DAB1: variants seen among roughly 807,000 people sequenced by gnomAD.
DAB1 encodes the protein disabled homolog 1.
Under a neutral mutation model 64.6 loss-of-function variants are expected in DAB1, and 15 were observed. The observed-to-expected ratio is 0.23, with a 90% CI of 0.16 to 0.36. DAB1 has a LOEUF of 0.36. DAB1 is among the 10% of genes least tolerant of loss of function. DAB1 has a pLI of 1.00. For missense variants in DAB1, 596 were observed against 706.7 expected, an observed-to-expected ratio of 0.84 and a Z score of 1.78; for synonymous variants, 235 against 251.9, an observed-to-expected ratio of 0.93 and a Z score of 0.64.
intron 5 of DAB1, among the ~76,000 whole-genome samples, chr1:58,046,978 T>G (rs992285064): frequency 1.3e-5 from 2 of 152,218 alleles, no homozygotes; most frequent in African/African-American, 4.8e-5. Flanking sequence ...CAAAGTTGCT[T>G]CATCTCTTTG....
intron 3 of DAB1, among the ~76,000 whole-genome samples, chr1:58,477,601 G>C (rs533334830): frequency 1.3e-5 from 2 of 152,220 alleles, no homozygotes; most frequent in South Asian, 4.1e-4. Flanking sequence ...GAGTGTTAAA[G>C]GCTTTGTTTC....
intron 5 of DAB1, among the ~76,000 whole-genome samples, chr1:58,141,547 C>T (rs756302501): frequency 3.3e-5 from 5 of 152,146 alleles, no homozygotes; most frequent in Admixed American, 6.6e-5. Context: ...GGCCAGATCT[C>T]ATGTGAACTC....
chr1:58,352,999 T>C (rs745616893), intron 3 of DAB1, among the ~76,000 whole-genome samples: 2 of 152,158 alleles, frequency 1.3e-5, no homozygotes, highest in Non-Finnish European at 2.9e-5. Context: ...AGCCACCTAG[T>C]TTACGGTATT....
intron 3 of DAB1, among the ~76,000 whole-genome samples, chr1:58,487,182 C>T (rs1165757588): frequency 6.6e-6 from 1 of 152,074 alleles, no homozygotes; most frequent in Non-Finnish European, 1.5e-5. Flanking sequence ...GGAGCAGTGG[C>T]GAAGTTGAGA....
At chr1:58,116,770 A>G (rs753583468) in intron 5 of DAB1, among the ~76,000 whole-genome samples, 1 of 152,224 alleles carries the variant, frequency 6.6e-6, no homozygotes, top group African/African-American at 2.4e-5. Context: ...CTGAAACATC[A>G]TGAAAAAAGA....
At chr1:58,225,859 TACATG>T (rs1293207956) in intron 4 of DAB1, among the ~76,000 whole-genome samples, 3 of 150,326 alleles carry the variant, frequency 2.0e-5, no homozygotes, top group Non-Finnish European at 3.0e-5. Context: ...GACCTAATGT[TACATG>T]ACAAGTTAAT....
At chr1:57,373,013 G>A (rs56015333) in intron 1 of DAB1, among the ~76,000 whole-genome samples, 2,979 of 146,920 alleles carry the variant, frequency 0.02, 37 homozygotes, top group South Asian at 0.026. Context: ...TACGTCTCTA[G>A]AAAAAAAAAA....
chr1:57,523,362 T>C (rs1166097479), intron 7 of DAB1, among the ~76,000 whole-genome samples: 2 of 152,210 alleles, frequency 1.3e-5, no homozygotes, highest in African/African-American at 4.8e-5. Context: ...GAGTGAAGTC[T>C]ATTTGTTGAT....
At chr1:57,918,067 CAATAAATAAATAAATAAATA>C (rs59397849) in intron 5 of DAB1, among the ~76,000 whole-genome samples, 13 of 138,656 alleles carry the variant, frequency 9.4e-5, no homozygotes, top group African/African-American at 3.2e-4. Context: ...GACTCCGTCT[CAATAAATAAATAAATAAATA>C]AATAAATAAA....
intron 4 of DAB1, among the ~76,000 whole-genome samples, chr1:58,250,485 C>CAGCAGCAGT (rs1480452622): frequency 6.6e-6 from 1 of 152,244 alleles, no homozygotes; most frequent in African/African-American, 2.4e-5. Flanking sequence ...GTAGCAGCAG[C>CAGCAGCAGT]AGCAGCAGTA....
chr1:57,107,203 C>T (rs774946528), intron 4 of DAB1, among the ~76,000 whole-genome samples: 24 of 151,850 alleles, frequency 1.6e-4, no homozygotes, highest in Admixed American at 8.5e-4. Context: ...GGTGAAACCC[C>T]GTCCCTACTG....
chr1:57,241,993 A>G lies in DAB1; in HGVS notation c.67+48971T>C, dbSNP rs76623712. ...ATTTCCCCCATTCCTATATTTCTCA[A>G]TCTTATATTAAAGACTTAGAACATC... On this transcript the variant is annotated intron_variant, in intron 2 of 14. Coordinates refer to ENST00000371236, the MANE Select transcript of DAB1 (RefSeq NM_001365792.1). Among the ~76,000 whole-genome samples, 601 of 152,224 alleles carry G rather than the reference A, an allele frequency of 3.9e-3. 19 individuals are homozygous for G. The East Asian group carries it at 0.077, about 20-fold the overall frequency.
At chr1:57,348,370 G>T (rs560854018) in intron 1 of DAB1, among the ~76,000 whole-genome samples, 8 of 152,146 alleles carry the variant, frequency 5.3e-5, no homozygotes, top group Non-Finnish European at 8.8e-5. Context: ...TCAGAGTTTA[G>T]AAGGCAAGTC....
At chr1:57,206,568 T>C (rs1484721225) in intron 2 of DAB1, among the ~76,000 whole-genome samples, 4 of 152,224 alleles carry the variant, frequency 2.6e-5, no homozygotes, top group Admixed American at 1.3e-4. Context: ...ACTGAACAAA[T>C]TGGTGCCATT....
chr1:58,150,143 C>T (rs1654838362), intron 5 of DAB1, among the ~76,000 whole-genome samples: 1 of 152,046 alleles, frequency 6.6e-6, no homozygotes, highest in African/African-American at 2.4e-5. Flanking sequence ...GGAAGAAAAC[C>T]TCAGAGAGGC....
intron 7 of DAB1, among the ~76,000 whole-genome samples, chr1:57,633,816 T>C (rs1417802100): frequency 2.0e-5 from 3 of 152,164 alleles, no homozygotes; most frequent in Admixed American, 1.3e-4. Context: ...TTTTGCCAGG[T>C]ATCTAAGAAG....
chr1:57,162,378 A>AG (rs1287632030), intron 2 of DAB1, among the ~76,000 whole-genome samples: 1 of 152,260 alleles, frequency 6.6e-6, no homozygotes, highest in Non-Finnish European at 1.5e-5. Context: ...GCAAAGAAGG[A>AG]GGAAGCAGGA....
chr1:57,125,884 T>C (rs916253456), intron 4 of DAB1, among the ~76,000 whole-genome samples: 34 of 152,240 alleles, frequency 2.2e-4, no homozygotes, highest in African/African-American at 7.7e-4. Context: ...CAAAGGCTTA[T>C]AGGCATAGCT....
intron 6 of DAB1, among the ~76,000 whole-genome samples, chr1:57,696,098 T>C (rs749098102): frequency 2.0e-5 from 3 of 152,192 alleles, no homozygotes; most frequent in Non-Finnish European, 4.4e-5. Context: ...TCCTCCTTCT[T>C]CTGTTCACGT....
Sources: gnomAD v4.1 joint callset for allele counts (sites outside exome capture counted in the v4.1 genomes callset) on GRCh38, gnomAD v4.1.1 for gene constraint, MANE v1.5 for transcripts, NCBI Gene and HGNC (gene_info 2026-07-23, HGNC 2026-07-21) for gene names.